The following TMBIM6 variants were observed in gnomAD, a reference collection of about 807,000 sequenced individuals.
TMBIM6 encodes the protein transmembrane BAX inhibitor motif containing 6.
In TMBIM6, 13 loss-of-function variants were observed where a neutral mutation model predicts 31.4. The ratio of observed to expected loss-of-function variants is 0.41; its 90% CI spans 0.27 to 0.66. The LOEUF is 0.66. Among genes scored for constraint, TMBIM6 ranks in the 30% least tolerant of loss-of-function variants. The pLI is 0.28. For synonymous variants in TMBIM6, 85 were observed against 101.7 expected (o/e 0.84, Z 0.99); for missense variants, 275 against 289.5 (o/e 0.95, Z 0.36).
intron 1 of TMBIM6, chr12:49,743,570 A>G (rs1348553861): frequency 6.6e-6 from 1 of 152,276 alleles, no homozygotes; most frequent in East Asian, 1.9e-4. Context: ...GAAAAGGTAA[A>G]ATTAATCTAG....
intron 7 of TMBIM6, 38 bp downstream of exon 7, chr12:49,758,800 C>A: frequency 6.5e-7 from 1 of 1,528,340 alleles, no homozygotes; most frequent in Admixed American, 1.8e-5. Flanking sequence ...AGCCATTTGC[C>A]TCACACTTCT....
intron 1 of TMBIM6, among the ~76,000 whole-genome samples, chr12:49,747,191 C>A (rs913951798): frequency 1.3e-5 from 2 of 152,034 alleles, no homozygotes; most frequent in African/African-American, 2.4e-5. Context: ...CAATTTGGTC[C>A]CTTCTAGATA....
intron 3 of TMBIM6, 116 bp from the exon 4 acceptor site, chr12:49,755,519 G>C: frequency 2.2e-6 from 3 of 1,341,100 alleles, no homozygotes; most frequent in Non-Finnish European, 3.1e-6. Context: ...CCTGCCTCCA[G>C]GTTATAAGCA....
chr12:49,753,135 A>T, intron 3 of TMBIM6, 54 bp downstream of exon 3: 1 of 1,502,664 alleles, frequency 6.7e-7, no homozygotes, highest in Non-Finnish European at 9.2e-7. Flanking sequence ...TTAGGAAAAA[A>T]CCAGCTCAGC....
intron 4 of TMBIM6, among the ~76,000 whole-genome samples, chr12:49,757,481 C>T (rs1945626538): frequency 6.6e-6 from 1 of 152,032 alleles, no homozygotes; most frequent in Non-Finnish European, 1.5e-5. Context: ...TTTGCTGATT[C>T]TCAAAAAAAG....
chr12:49,759,215 T>G lies in TMBIM6; in HGVS notation c.514-6T>G, dbSNP rs760225783. ...GTATAGTAACTTCATCTCTTACATT[T>G]GTTAGGCAAACCTGTATGTGGGACT... On this transcript the variant is annotated splice_region_variant and splice_polypyrimidine_tract_variant and intron_variant, in intron 7 of 9. Coordinates refer to ENST00000267115, the MANE Select transcript of TMBIM6 (RefSeq NM_003217.3). The G allele has an allele frequency of 6.2e-7, 1 of 1,613,694 alleles. No individual in the cohort carries two copies. The highest frequency in any genetic ancestry group is 1.1e-5 in the South Asian group (1 of 91,070).
At chr12:49,754,900 T>G (rs1945560386) in intron 3 of TMBIM6, among the ~76,000 whole-genome samples, 1 of 152,228 alleles carries the variant, frequency 6.6e-6, no homozygotes, top group African/African-American at 2.4e-5. Flanking sequence ...TTTAGTACTT[T>G]GCAGTCTTCT....
chr12:49,757,108 C>T (rs1945617468), intron 4 of TMBIM6, among the ~76,000 whole-genome samples: 2 of 152,104 alleles, frequency 1.3e-5, no homozygotes, highest in Admixed American at 1.3e-4. Flanking sequence ...CTCAGGTAAT[C>T]TACCTGCCTC....
chr12:49,756,179 G>A (rs1014494907), intron 4 of TMBIM6, among the ~76,000 whole-genome samples: 2 of 150,722 alleles, frequency 1.3e-5, no homozygotes, highest in African/African-American at 4.9e-5. Context: ...TGTCACCCAG[G>A]CTAGAGAGTG....
chr12:49,755,922 C>T (rs1294356044), intron 4 of TMBIM6, among the ~76,000 whole-genome samples, 167 bp downstream of exon 4: 4 of 151,370 alleles, frequency 2.6e-5, no homozygotes, highest in African/African-American at 9.7e-5. Context: ...CAAGCTCCGC[C>T]TCCCAGGTTC....
At chr12:49,756,701 A>T (rs10161088) in intron 4 of TMBIM6, among the ~76,000 whole-genome samples, 13,445 of 150,498 alleles carry the variant, frequency 0.089, 1,107 homozygotes, top group African/African-American at 0.23. Flanking sequence ...CTGGGATTAC[A>T]GGCATGAGCC....
intron 1 of TMBIM6, among the ~76,000 whole-genome samples, chr12:49,743,087 G>C (rs1044582962): frequency 6.7e-6 from 1 of 150,054 alleles, no homozygotes; most frequent in Non-Finnish European, 1.5e-5. Context: ...CCTGGCTTAG[G>C]TGATCCACCC....
At chr12:49,750,301 C>T (rs1945471954) in intron 1 of TMBIM6, among the ~76,000 whole-genome samples, 1 of 152,174 alleles carries the variant, frequency 6.6e-6, no homozygotes, top group Non-Finnish European at 1.5e-5. Context: ...GAGGATCCAC[C>T]CCGCTCCATC....
At chr12:49,748,630 A>G (rs1032244449) in intron 1 of TMBIM6, among the ~76,000 whole-genome samples, 2 of 152,200 alleles carry the variant, frequency 1.3e-5, no homozygotes, top group Non-Finnish European at 2.9e-5. Context: ...GAGGCTCTGA[A>G]TGAAATTAGA....
At chr12:49,746,304 G>A (rs1945393174) in intron 1 of TMBIM6, among the ~76,000 whole-genome samples, 1 of 151,626 alleles carries the variant, frequency 6.6e-6, no homozygotes, top group Non-Finnish European at 1.5e-5. Context: ...GGCTGGTCTC[G>A]AACTCCTGAC....
chr12:49,753,607 C>T (rs752991869), intron 3 of TMBIM6, among the ~76,000 whole-genome samples: 3 of 152,154 alleles, frequency 2.0e-5, no homozygotes, highest in Non-Finnish European at 4.4e-5. Flanking sequence ...GAGGAATAAC[C>T]AGAAAGTTTG....
intron 1 of TMBIM6, among the ~76,000 whole-genome samples, chr12:49,743,026 C>T (rs1945326736): frequency 6.7e-6 from 1 of 148,502 alleles, no homozygotes; most frequent in African/African-American, 2.5e-5. Context: ...TCACTGTCGC[C>T]CAGGCTAGAG....
chr12:49,749,397 G>A (rs922840898), intron 1 of TMBIM6, among the ~76,000 whole-genome samples: 1 of 151,434 alleles, frequency 6.6e-6, no homozygotes, highest in Non-Finnish European at 1.5e-5. Flanking sequence ...TGAAAATACC[G>A]TAAGTTGAAA....
intron 1 of TMBIM6, chr12:49,744,659 G>C (rs921217994): frequency 6.6e-6 from 1 of 152,176 alleles, no homozygotes; most frequent in Non-Finnish European, 1.5e-5. Flanking sequence ...CTTGGGGATA[G>C]CTGAGCTGAA....
Sources: allele counts gnomAD v4.1 joint callset (sites outside exome capture counted in the v4.1 genomes callset), GRCh38; gene constraint gnomAD v4.1.1; transcripts MANE v1.5; gene names NCBI Gene and HGNC (gene_info 2026-07-23, HGNC 2026-07-21).